Variants in FBXL2 observed in about 807,000 individuals in gnomAD.
FBXL2 encodes F-box/LRR-repeat protein 2.
A neutral mutation model predicts 69.2 loss-of-function variants in FBXL2; 38 were observed. The observed-to-expected ratio is 0.55, with a 90% CI of 0.42 to 0.72. The LOEUF (loss-of-function observed/expected upper bound fraction) is 0.72. Ranked by LOEUF, FBXL2 falls within the 30% of genes least tolerant of loss-of-function variation. The pLI, the probability that FBXL2 is intolerant of heterozygous loss-of-function variation, is 0.00. For missense variants in FBXL2, 354 were observed against 520.3 expected, an observed-to-expected ratio of 0.68 and a Z score of 3.11; for synonymous variants, 192 against 201.3, an observed-to-expected ratio of 0.95 and a Z score of 0.39.
chr3:33,381,344 AT>A (rs2043044268), intron 13 of FBXL2, among the ~76,000 whole-genome samples: 1 of 152,200 alleles, frequency 6.6e-6, no homozygotes, highest in Admixed American at 6.5e-5. Flanking sequence ...GTGAATCCAT[AT>A]GTAAATAAAA....
intron 3 of FBXL2, 42 bp downstream of exon 3, chr3:33,359,063 T>A (rs758428465): frequency 2.3e-6 from 3 of 1,331,348 alleles, no homozygotes; most frequent in South Asian, 1.5e-5. Flanking sequence ...AATATCAAGT[T>A]TTATTAGAAT....
intron 2 of FBXL2, among the ~76,000 whole-genome samples, chr3:33,346,457 A>G (rs1559579969): frequency 6.6e-6 from 1 of 152,008 alleles, no homozygotes; most frequent in African/African-American, 2.4e-5. Context: ...CTGTAGTCCT[A>G]ACTACTCAGG....
downstream of FBXL2, chr3:33,392,792 A>G (rs2043821003): frequency 7.0e-6 from 4 of 574,370 alleles, no homozygotes; most frequent in Admixed American, 1.0e-4. Context: ...CCTTGTGTTC[A>G]CTATGCCTGT....
chr3:33,338,772 C>G (rs971925568), intron 2 of FBXL2, among the ~76,000 whole-genome samples: 2 of 152,080 alleles, frequency 1.3e-5, no homozygotes, highest in African/African-American at 4.8e-5. Flanking sequence ...ATACAAAAAT[C>G]AGCTCAAGGT....
At chr3:33,328,594 G>A (rs1388003117) in intron 2 of FBXL2, among the ~76,000 whole-genome samples, 2 of 152,046 alleles carry the variant, frequency 1.3e-5, no homozygotes, top group Admixed American at 6.6e-5. Flanking sequence ...ACATAAAATG[G>A]GGAAAGGATA....
chr3:33,381,186 A>G (rs112024023), intron 13 of FBXL2, among the ~76,000 whole-genome samples: 2,821 of 152,348 alleles, frequency 0.019, 39 homozygotes, highest in South Asian at 0.041. Context: ...TTCAATTAAT[A>G]TAACAGTATC....
chr3:33,299,805 T>C (rs1416949096), intron 2 of FBXL2, among the ~76,000 whole-genome samples: 2 of 152,204 alleles, frequency 1.3e-5, no homozygotes, highest in African/African-American at 4.8e-5. Context: ...TCTTTGGCAT[T>C]TTTGACAAGT....
intron 1 of FBXL2, among the ~76,000 whole-genome samples, chr3:33,285,447 G>T (rs1020260531): frequency 6.6e-6 from 1 of 152,154 alleles, no homozygotes; most frequent in Non-Finnish European, 1.5e-5. Context: ...TGGGTAACCC[G>T]ACCTTTCTCT....
At chr3:33,358,888 TAG>T in intron 2 of FBXL2, 77 bp from the exon 3 acceptor site, 1 of 870,278 alleles carries the variant, frequency 1.1e-6, no homozygotes, top group Non-Finnish European at 1.7e-6. Context: ...GGTGGCGGAT[TAG>T]AGTTTATCTT....
intron 2 of FBXL2, among the ~76,000 whole-genome samples, chr3:33,328,087 G>T (rs1001099549): frequency 4.0e-5 from 6 of 151,716 alleles, no homozygotes; most frequent in Non-Finnish European, 8.8e-5. Flanking sequence ...ACTGAAAAAA[G>T]CAATCCCATT....
intron 2 of FBXL2, among the ~76,000 whole-genome samples, chr3:33,300,982 T>C (rs1000076868): frequency 2.6e-5 from 4 of 152,062 alleles, no homozygotes; most frequent in East Asian, 1.9e-4. Flanking sequence ...GGATTACAGG[T>C]GTAAGCCACT....
intron 2 of FBXL2, among the ~76,000 whole-genome samples, chr3:33,347,002 G>A (rs1384207895): frequency 3.3e-5 from 5 of 152,084 alleles, no homozygotes; most frequent in African/African-American, 4.8e-5. Flanking sequence ...TTTAAGTGTA[G>A]AATTTATTAT....
intron 2 of FBXL2, among the ~76,000 whole-genome samples, chr3:33,352,899 C>CAAAACAAAACAA: frequency 7.1e-6 from 1 of 140,858 alleles, no homozygotes; most frequent in Admixed American, 7.1e-5. Context: ...TGTCTCAAAA[C>CAAAACAAAACAA]AAAACAAAAC....
intron 1 of FBXL2, among the ~76,000 whole-genome samples, chr3:33,292,182 CCA>C (rs1161416682): frequency 6.6e-6 from 1 of 152,076 alleles, no homozygotes; most frequent in Non-Finnish European, 1.5e-5. Flanking sequence ...GAGTTTGAGA[CCA>C]GCCTGGCAAA....
At chr3:33,361,590 G>T (rs988356413) in intron 4 of FBXL2, among the ~76,000 whole-genome samples, 1 of 152,164 alleles carries the variant, frequency 6.6e-6, no homozygotes, top group Non-Finnish European at 1.5e-5. Context: ...TTGATTACAA[G>T]ATTTTAGCTG....
At chr3:33,361,098 A>ATT (rs58660334) in intron 4 of FBXL2, among the ~76,000 whole-genome samples, 6 of 116,338 alleles carry the variant, frequency 5.2e-5, no homozygotes, top group South Asian at 2.8e-4. Flanking sequence ...CGCCCGGCTA[A>ATT]TTTTTTTTTT....
intron 1 of FBXL2, among the ~76,000 whole-genome samples, chr3:33,282,004 C>T (rs1294761391): frequency 6.6e-6 from 1 of 152,146 alleles, no homozygotes; most frequent in East Asian, 1.9e-4. Flanking sequence ...GTTGCCTGTT[C>T]ACTCTGATTG....
chr3:33,310,487 A>T (rs2037093396), intron 2 of FBXL2, among the ~76,000 whole-genome samples: 1 of 152,164 alleles, frequency 6.6e-6, no homozygotes, highest in African/African-American at 2.4e-5. Flanking sequence ...TTCATACTAA[A>T]CATATGTGAC....
chr3:33,395,755 A>G (rs2043958253), intron 12 of FBXL2, among the ~76,000 whole-genome samples: 1 of 114,996 alleles, frequency 8.7e-6, no homozygotes, highest in Non-Finnish European at 1.8e-5. Context: ...AAATTGAAAA[A>G]AAAAAAAAAA....
Sources: allele counts gnomAD v4.1 joint callset (sites outside exome capture counted in the v4.1 genomes callset), GRCh38; gene constraint gnomAD v4.1.1; transcripts MANE v1.5; gene names NCBI Gene and HGNC (gene_info 2026-07-23, HGNC 2026-07-21).